ARID5B: variants seen among roughly 807,000 people sequenced by gnomAD.
The protein encoded by ARID5B is AT-rich interaction domain 5B, also known as AT-rich interactive domain-containing protein 5B.
In ARID5B, 13 loss-of-function variants were observed where a neutral mutation model predicts 97.2. That is an observed-to-expected ratio of 0.13 (90% CI 0.09 to 0.21). The LOEUF is 0.21. Ranked by LOEUF, ARID5B falls within the 10% of genes least tolerant of loss-of-function variation. The pLI is 1.00. For synonymous variants in ARID5B, 556 were observed against 570.3 expected (o/e 0.97, Z 0.36); for missense variants, 1,210 against 1,465.3 (o/e 0.83, Z 2.84).
intron 3 of ARID5B, among the ~76,000 whole-genome samples, chr10:61,997,706 C>T (rs989344160): frequency 2.6e-5 from 4 of 152,132 alleles, no homozygotes; most frequent in Non-Finnish European, 5.9e-5. Context: ...GGTTATATGC[C>T]TCTCTCTCAT....
chr10:61,991,246 T>A (rs1027022587), intron 3 of ARID5B, among the ~76,000 whole-genome samples: 3 of 152,196 alleles, frequency 2.0e-5, no homozygotes, highest in Non-Finnish European at 4.4e-5. Flanking sequence ...GGCAATTCTG[T>A]ATATAAATTT....
At chr10:61,935,633 C>T (rs1035933164) in intron 2 of ARID5B, among the ~76,000 whole-genome samples, 2 of 152,000 alleles carry the variant, frequency 1.3e-5, no homozygotes, top group African/African-American at 4.8e-5. Context: ...TAGTCTGTAT[C>T]CTGACAATAT....
At chr10:62,050,650 A>G (rs1418677054) in intron 4 of ARID5B, among the ~76,000 whole-genome samples, 2 of 152,184 alleles carry the variant, frequency 1.3e-5, no homozygotes, top group African/African-American at 2.4e-5. Flanking sequence ...TGTTACTTCT[A>G]TTAATTAGAC....
rs1291151920 is a variant in ARID5B, at chr10:61,908,778, C to A, written c.276+6365C>A. On this transcript the variant is annotated intron_variant, in intron 2 of 9. Coordinates refer to ENST00000279873, the MANE Select transcript of ARID5B (RefSeq NM_032199.3). The stretch of plus-strand genomic sequence containing the variant: ...TTGCACCACTGCACTCCAGCCTGGG[C>A]AACAGAGCAAGACTCCATCTCAAAA... Among the ~76,000 whole-genome samples, 10 of 107,088 alleles carry A rather than the reference C, an allele frequency of 9.3e-5. No individual in the cohort carries two copies. The Admixed American group carries it at 1.4e-3, about 15-fold the overall frequency. The allele number at this position is 107,088 out of a possible 152,430, so 70.3% of individuals were successfully genotyped here.
intron 5 of ARID5B, among the ~76,000 whole-genome samples, chr10:62,054,252 C>T (rs1839827121): frequency 6.6e-6 from 1 of 152,126 alleles, no homozygotes; most frequent in South Asian, 2.1e-4. Flanking sequence ...CTCCCATTTC[C>T]ACTACCACCT....
chr10:62,057,076 G>A, intron 5 of ARID5B, 41 bp from the exon 6 acceptor site: 4 of 1,599,170 alleles, frequency 2.5e-6, no homozygotes, highest in Non-Finnish European at 3.4e-6. Context: ...AGCATCCTGG[G>A]GCTGTGCCTC....
intron 3 of ARID5B, among the ~76,000 whole-genome samples, chr10:61,971,684 G>A (rs985265263): frequency 2.0e-5 from 3 of 152,010 alleles, no homozygotes; most frequent in East Asian, 1.9e-4. Flanking sequence ...ATATTGTTTC[G>A]CCAGTTTTAA....
rs1840455193 is a variant in ARID5B, at chr10:62,095,413, A to C, written c.*2383A>C. On this transcript the variant is annotated 3_prime_UTR_variant, in exon 10 of 10. Transcript: ENST00000279873. ...GGGGCATCTGTCCCCGGTGGAGCTC[A>C]CCTATTTGGAATATGGGGCATTTGT... 3 of 232,760 alleles carry C rather than the reference A, an allele frequency of 1.3e-5. No homozygotes were observed. The highest frequency in any genetic ancestry group is 1.1e-4 in the Admixed American group (2 of 17,664). 14.4% of individuals were successfully genotyped at this position (232,760 alleles called of 1,614,324 possible).
chr10:62,002,485 G>T (rs1311619268), intron 4 of ARID5B, among the ~76,000 whole-genome samples: 2 of 152,114 alleles, frequency 1.3e-5, no homozygotes, highest in Non-Finnish European at 2.9e-5. Context: ...CAAATAGTTT[G>T]TACTTCTTAC....
At chr10:62,036,680 A>T (rs1161536680) in intron 4 of ARID5B, among the ~76,000 whole-genome samples, 1 of 152,200 alleles carries the variant, frequency 6.6e-6, no homozygotes, top group African/African-American at 2.4e-5. Context: ...TGGTCTTGGG[A>T]TGACAGGGCT....
chr10:61,922,804 G>T (rs542428737), intron 2 of ARID5B, among the ~76,000 whole-genome samples: 1 of 152,200 alleles, frequency 6.6e-6, no homozygotes, highest in Non-Finnish European at 1.5e-5. Context: ...GAGAGCAGCT[G>T]GTCTGCCATC....
chr10:61,901,964 G>A (rs560933175), intron 1 of ARID5B, among the ~76,000 whole-genome samples, 195 bp from the exon 2 acceptor site: 1 of 147,114 alleles, frequency 6.8e-6, no homozygotes, highest in Non-Finnish European at 1.5e-5. Context: ...TGGCGGTGGG[G>A]GGCCCTGAGT....
chr10:61,922,628 T>G (rs1806771), intron 2 of ARID5B, among the ~76,000 whole-genome samples: 10,427 of 152,254 alleles, frequency 0.068, 452 homozygotes, highest in East Asian at 0.13. Flanking sequence ...GTATGTTTCA[T>G]GCACAGTGGT....
intron 8 of ARID5B, among the ~76,000 whole-genome samples, chr10:62,070,632 T>A (rs1284189640): frequency 1.3e-5 from 2 of 152,214 alleles, no homozygotes; most frequent in Non-Finnish European, 2.9e-5. Flanking sequence ...GTATTGCATT[T>A]AACTCAGCTT....
intron 6 of ARID5B, 85 bp from the exon 7 acceptor site, chr10:62,059,158 G>A (rs1008999108): frequency 1.3e-5 from 14 of 1,114,186 alleles, no homozygotes; most frequent in African/African-American, 3.3e-5. Flanking sequence ...TCTCTTTCTC[G>A]TTGAAAAAAA....
At chr10:61,904,920 T>C (rs1843684516) in intron 2 of ARID5B, among the ~76,000 whole-genome samples, 1 of 152,220 alleles carries the variant, frequency 6.6e-6, no homozygotes, top group Non-Finnish European at 1.5e-5. Flanking sequence ...CCTAAGTTAG[T>C]CATTCATTAG....
chr10:62,092,157 A>G lies in ARID5B; in HGVS notation c.2694A>G (p.Glu898=). Residue 898 remains glutamate (E), a synonymous_variant, in exon 10 of 10, where the codon GAA becomes GAG. Coordinates refer to ENST00000279873, the MANE Select transcript of ARID5B (RefSeq NM_032199.3). ...AAGACAAAAAGTCGGCGGCAGCAGA[A>G]GCCCCTACGGATGATCAGCCTACAG... ...HLQDKKSAAA[E]APTDDQPTDL... The G allele has an allele frequency of 6.2e-7, 1 of 1,608,542 alleles. No individual in the cohort carries two copies. The highest frequency in any genetic ancestry group is 8.5e-7 in the Non-Finnish European group (1 of 1,177,876).
At chr10:61,957,141 G>C (rs1282371886) in intron 3 of ARID5B, among the ~76,000 whole-genome samples, 1 of 152,168 alleles carries the variant, frequency 6.6e-6, no homozygotes, top group African/African-American at 2.4e-5. Flanking sequence ...TAGCTATTGG[G>C]CATCTGAAAT....
chr10:62,087,874 T>TTG (rs1359494964), intron 9 of ARID5B, among the ~76,000 whole-genome samples: 2 of 151,848 alleles, frequency 1.3e-5, no homozygotes, highest in Admixed American at 1.3e-4. Flanking sequence ...GCAGATTTTT[T>TTG]TTTTTTTTGA....
Sources: allele counts gnomAD v4.1 joint callset (sites outside exome capture counted in the v4.1 genomes callset), GRCh38; gene constraint gnomAD v4.1.1; transcripts MANE v1.5; gene names NCBI Gene and HGNC (gene_info 2026-07-23, HGNC 2026-07-21).